The following HRNR variants were observed in gnomAD, a reference collection of about 807,000 sequenced individuals.
HRNR encodes filaggrin family member 3.
Under a neutral mutation model 4.8 loss-of-function variants are expected in HRNR, and 7 were observed. The observed-to-expected ratio is 1.47, with a 90% CI of 0.83 to 2.75. The LOEUF is 2.75. Among genes scored for constraint, HRNR ranks in the 30% most tolerant of loss-of-function variants. The pLI is 0.00. For missense variants in HRNR, 2,879 were observed against 3,010.4 expected (o/e 0.96, Z 1.02); for synonymous variants, 1,023 against 1,242.7 (o/e 0.82, Z 3.72).
In HRNR at chr1:152,219,438, A is replaced by T; in HGVS notation, c.2191T>A (p.Ser731Thr). The change falls in exon 3 of 3, where the codon TCT becomes ACT. Residue 731 changes from serine to threonine, a missense_variant. Physicochemically the swap from Ser to Thr is moderately conservative, Grantham distance 58. Transcript: ENST00000368801. ...SHSSGYRKHG[S>T]RSGQSSRSEQ... ...CTCCTAGATGACTGTCCTGACCTAG[A>T]GCCGTGTTTTCTGTAGCCGGAGGAG... 1.2e-6 allele frequency: 2 copies of T among 1,613,988 alleles called. No homozygotes were observed. The highest frequency in any genetic ancestry group is 1.7e-6 in the Non-Finnish European group (2 of 1,180,000).
rs776080904 is a variant in HRNR at position 152,212,936 on chromosome 1, C to T, written c.*140G>A. On this transcript the variant is annotated 3_prime_UTR_variant, in exon 3 of 3. Coordinates refer to ENST00000368801, the MANE Select transcript of HRNR (RefSeq NM_001009931.3). ...AAGATATATGCTACAGTTTTAGGCT[C>T]TAAAGAAAGAGACAGAAATGCATTG... 12 of 1,192,504 alleles carry T rather than the reference C, an allele frequency of 1.0e-5. No homozygotes were observed. In the African/African-American group the frequency reaches 1.5e-4, roughly 15 times the overall value. The allele number at this position is 1,192,504 out of a possible 1,614,324, so 73.9% of individuals were successfully genotyped here. A position where few individuals can be genotyped will look rare whatever the true frequency, so the allele number is the denominator to read the frequency against.
In HRNR at chr1:152,221,405, A is replaced by C. The variant is rs781621473; in HGVS notation, c.224T>G (p.Leu75Arg). The part of the protein sequence containing the change: ...HNKKVDFTEY[L>R]LMIFKLVQAR... ...CTGAACCAGCTTGAATATCATCAGA[A>C]GATACTCAGTAAAATCCACTTTCTT... Residue 75 changes from leucine (L) to arginine (R), a missense_variant, in exon 3 of 3, where the codon CTT becomes CGT. Leu to Arg is a moderately radical substitution (Grantham distance 102). Coordinates refer to ENST00000368801, the MANE Select transcript of HRNR (RefSeq NM_001009931.3). 1.2e-6 allele frequency: 2 copies of C among 1,613,186 alleles called. No homozygotes were observed. The highest frequency in any genetic ancestry group is 3.3e-5 in the Admixed American group (2 of 60,016).
rs753485928 is a variant in HRNR, at chr1:152,220,523, C to T, written c.1106G>A (p.Gly369Asp). The T allele has an allele frequency of 2.5e-6, 4 of 1,611,652 alleles. No homozygotes were observed. In the East Asian group the frequency reaches 6.7e-5, roughly 27 times the overall value. ...ATGTTGTCCCTGGCTAGAGGAGTGA[C>T]CTGAGCCAGAACCATGCTTACTATA... ...SGYSKHGSGSGHSSSQGQHGS... is the reference protein window; with the variant it reads ...SGYSKHGSGSDHSSSQGQHGS... The change falls in exon 3 of 3, where the codon GGT becomes GAT. Residue 369 changes from glycine (G) to aspartate (D), a missense_variant. This residue lies in a region of HRNR where 2,646 missense variants were observed against 1,377.7 expected (regional missense o/e 1.92). Coordinates refer to ENST00000368801, the MANE Select transcript of HRNR (RefSeq NM_001009931.3).
At position 152,219,933 on chromosome 1, in the gene HRNR, C is replaced by G. The variant is rs746249729; in HGVS notation, c.1696G>C (p.Gly566Arg). The change falls in exon 3 of 3, where the codon GGG becomes CGG. Residue 566 changes from glycine to arginine, a missense_variant. Gly to Arg is a moderately radical substitution (Grantham distance 125, BLOSUM62 -2). Around this residue, in one of 8 missense-constraint regions of HRNR, gnomAD observed 2,646 missense variants for 1,377.7 expected, o/e 1.92. Coordinates refer to ENST00000368801, the MANE Select transcript of HRNR (RefSeq NM_001009931.3). The part of the protein sequence containing the change: ...SSYGPHGYGS[G>R]RSSSRGPYES... ...TATGGGCCACGGCTTGAAGACCTCC[C>G]TGAGCCATACCCATGTGGGCCATAG... 5.6e-6 allele frequency: 9 copies of G among 1,613,178 alleles called. No individual in the cohort carries two copies. Among genetic ancestry groups the G allele is most frequent in the South Asian group, 2.2e-5 (2 of 91,022 alleles).
rs76143937 is a variant in HRNR, at chr1:152,212,753, T to C, written c.*323A>G. The C allele has an allele frequency of 2.7e-6, 1 of 375,884 alleles. No homozygotes were observed. The highest frequency in any genetic ancestry group is 4.8e-6 in the Non-Finnish European group (1 of 210,230). The allele number at this position is 375,884 out of a possible 1,614,324, so 23.3% of individuals were successfully genotyped here. ...TTTGGCACCATCTATAAATGAATGATGAGCTCTCAAAAAGACAACTCCAAC... is the reference window on the plus strand; with the variant it reads ...TTTGGCACCATCTATAAATGAATGACGAGCTCTCAAAAAGACAACTCCAAC... On this transcript the variant is annotated 3_prime_UTR_variant, in exon 3 of 3. Coordinates refer to ENST00000368801, the MANE Select transcript of HRNR (RefSeq NM_001009931.3).
chr1:152,220,466 C>T lies in HRNR; in HGVS notation c.1163G>A (p.Gly388Asp). 1 of 1,610,912 alleles carries T rather than the reference C, an allele frequency of 6.2e-7. No individual in the cohort carries two copies. Among genetic ancestry groups the T allele is most frequent in the Admixed American group, 1.7e-5 (1 of 59,762 alleles). ...GSTSGQASSS[G>D]QHGSSSRQSS... ...CTGACGTGAGCTGGAGCCATGTTGG[C>T]CAGAGCTTGATGCCTGCCCTGACGT... Residue 388 changes from glycine to aspartate, a missense_variant, in exon 3 of 3, where the codon GGC becomes GAC. Around this residue, in one of 8 missense-constraint regions of HRNR, gnomAD observed 2,646 missense variants for 1,377.7 expected, o/e 1.92. Coordinates refer to ENST00000368801, the MANE Select transcript of HRNR (RefSeq NM_001009931.3).
intron 2 of HRNR, among the ~76,000 whole-genome samples, chr1:152,222,191 G>A (rs967167886): frequency 6.6e-6 from 1 of 152,176 alleles, no homozygotes; most frequent in Admixed American, 6.5e-5. Flanking sequence ...AGGGCTAGAG[G>A]TGAGAGAAGT....
chr1:152,221,090 C>G lies in HRNR; in HGVS notation c.539G>C (p.Gly180Ala). Residue 180 changes from glycine (G) to alanine (A), a missense_variant, in exon 3 of 3, where the codon GGT becomes GCT. Gly to Ala is a moderately conservative substitution (Grantham distance 60). Transcript: ENST00000368801. ...NSYSGQSSSY[G>A]EQNSDSHQSS... ...CTGATGGGAGTCGGAGTTTTGCTCA[C>G]CATAGCTGGAAGACTGACCTGAGTA... The G allele has an allele frequency of 6.2e-7, 1 of 1,613,558 alleles. No homozygotes were observed. Among genetic ancestry groups the G allele is most frequent in the Non-Finnish European group, 8.5e-7 (1 of 1,179,590 alleles).
rs1486611389 is a variant in HRNR at position 152,220,342 on chromosome 1, A to T, written c.1287T>A (p.Arg429=). The stretch of plus-strand genomic sequence containing the variant: ...TGGGAGACTGCCCTGACCCAGACCC[A>T]CGCTGGCCGTGGCCTGGAGACTGGC... The part of the protein sequence containing the change: ...GSGQSPGHGQ[R]GSGSGQSPSS... The change falls in exon 3 of 3, where the codon CGT becomes CGA. Residue 429 remains arginine (R), a synonymous_variant. Transcript: ENST00000368801. 2 of 1,612,356 alleles carry T rather than the reference A, an allele frequency of 1.2e-6. No individual in the cohort carries two copies. Among genetic ancestry groups the T allele is most frequent in the Non-Finnish European group, 1.7e-6 (2 of 1,179,550 alleles).
At position 152,213,383 on chromosome 1, in the gene HRNR, C is replaced by T. The variant is rs200655066; in HGVS notation, c.8246G>A (p.Arg2749His). The part of the protein sequence containing the change: ...STGQSSSYGH[R>H]GSGSSQSSGY... Reference sequence around the variant, plus strand: ...AGAAGACTGACTGGAGCCAGAGCCACGGTGGCCATAGCTGGAAGACTGGCC... The same window carrying T: ...AGAAGACTGACTGGAGCCAGAGCCATGGTGGCCATAGCTGGAAGACTGGCC... The change falls in exon 3 of 3, where the codon CGT (arginine) becomes CAT (histidine). Residue 2749 changes from arginine to histidine, a missense_variant. Transcript: ENST00000368801. 3.9e-5 allele frequency: 22 copies of T among 570,926 alleles called. 8 individuals carry two copies. Among genetic ancestry groups the T allele is most frequent in the Non-Finnish European group, 5.7e-5 (19 of 335,700 alleles). The allele number at this position is 570,926 out of a possible 1,614,324, so 35.4% of individuals were successfully genotyped here. A position where few individuals can be genotyped will look rare whatever the true frequency, so the allele number is the denominator to read the frequency against.
chr1:152,219,242 G>C lies in HRNR; in HGVS notation c.2387C>G (p.Ser796Cys). The change falls in exon 3 of 3, where the codon TCT (serine) becomes TGT (cysteine). Residue 796 changes from serine to cysteine, a missense_variant. Ser to Cys is a moderately radical substitution (Grantham distance 112). This residue lies in a region of HRNR where 2,646 missense variants were observed against 1,377.7 expected (regional missense o/e 1.92). Coordinates refer to ENST00000368801, the MANE Select transcript of HRNR (RefSeq NM_001009931.3). ...ACAGCTGGAAGAACAACTTGTGCCAGACCCGTGTTGGCCGTGGCTGGAGGA... is the reference window on the plus strand; with the variant it reads ...ACAGCTGGAAGAACAACTTGTGCCACACCCGTGTTGGCCGTGGCTGGAGGA... ...GHSSSHGQHG[S>C]GTSCSSSCGH... The C allele has an allele frequency of 6.2e-7, 1 of 1,613,672 alleles. No individual in the cohort carries two copies. The highest frequency in any genetic ancestry group is 2.2e-5 in the East Asian group (1 of 44,864).
rs139947063 is a variant in HRNR at position 152,218,606 on chromosome 1, C to T, written c.3023G>A (p.Ser1008Asn). Residue 1008 changes from serine (S) to asparagine (N), a missense_variant, in exon 3 of 3, where the codon AGC becomes AAC. Ser to Asn is a conservative substitution (Grantham distance 46, BLOSUM62 1). Coordinates refer to ENST00000368801, the MANE Select transcript of HRNR (RefSeq NM_001009931.3). ...QHGSGSGQSP[S>N]PSRGRHGSGS... is the part of the protein sequence containing the mutation. The stretch of plus-strand genomic sequence containing the variant: ...AGACCCATGTCGGCCACGGCTAGGG[C>T]TAGGAGACTGGCCAGATCCAGACCC... 3.1e-6 allele frequency: 5 copies of T among 1,610,884 alleles called. No homozygotes were observed. The highest frequency in any genetic ancestry group is 1.7e-5 in the Admixed American group (1 of 59,772).
intron 2 of HRNR, among the ~76,000 whole-genome samples, chr1:152,222,671 C>G (rs1386782835): frequency 2.0e-5 from 3 of 152,136 alleles, no homozygotes; most frequent in Admixed American, 6.5e-5. Flanking sequence ...TATCTGAAAT[C>G]CACAGAAATC....
chr1:152,222,664 C>T (rs1259348926), intron 2 of HRNR, among the ~76,000 whole-genome samples: 1 of 152,162 alleles, frequency 6.6e-6, no homozygotes, highest in Non-Finnish European at 1.5e-5. Flanking sequence ...AATATCATAT[C>T]TGAAATCCAC....
Position 152,219,758 on chromosome 1 carries a change from C to T in HRNR, c.1871G>A (p.Gly624Asp), listed in dbSNP as rs766809908. The T allele has an allele frequency of 3.1e-6, 5 of 1,613,262 alleles. No individual in the cohort carries two copies. Among genetic ancestry groups the T allele is most frequent in the Non-Finnish European group, 4.2e-6 (5 of 1,179,590 alleles). ...CTGACCTGAGGTAGCTCCATGTTGG[C>T]CACAGCTCGATGACTGTCCTGATGT... ...GSTSGQSSSC[G>D]QHGATSGQSS... The change falls in exon 3 of 3, where the codon GGC (glycine) becomes GAC (aspartate). Residue 624 changes from glycine to aspartate, a missense_variant. This residue lies in a region of HRNR where 2,646 missense variants were observed against 1,377.7 expected (regional missense o/e 1.92). Coordinates refer to ENST00000368801, the MANE Select transcript of HRNR (RefSeq NM_001009931.3).
In HRNR at chr1:152,212,678, G is replaced by T; in HGVS notation, c.*398C>A. On this transcript the variant is annotated 3_prime_UTR_variant, in exon 3 of 3. Coordinates refer to ENST00000368801, the MANE Select transcript of HRNR (RefSeq NM_001009931.3). The stretch of plus-strand genomic sequence containing the variant: ...CTGTAAAACAAAGCTTTGTATCTAG[G>T]ACTGGTAATGCATTTGTAATATTTT... 1 of 233,692 alleles carries T rather than the reference G, an allele frequency of 4.3e-6. No individual in the cohort carries two copies. The highest frequency in any genetic ancestry group is 8.3e-6 in the Non-Finnish European group (1 of 120,988). The allele number at this position is 233,692 out of a possible 1,614,324, so 14.5% of individuals were successfully genotyped here.
chr1:152,223,158 C>T lies in HRNR; in HGVS notation c.96G>A (p.Glu32=). 6.2e-7 allele frequency: 1 copy of T among 1,613,890 alleles called. No individual in the cohort carries two copies. The highest frequency in any genetic ancestry group is 8.5e-7 in the Non-Finnish European group (1 of 1,179,868). Reference sequence around the variant, plus strand: ...ACTCATTTTCCAGAAGTTCTTTCAGCTCTGCCTTGTTCAACGTATCATACT... The same window carrying T: ...ACTCATTTTCCAGAAGTTCTTTCAGTTCTGCCTTGTTCAACGTATCATACT... The part of the protein sequence containing the change: ...HGEYDTLNKA[E]LKELLENEFH... The change falls in exon 2 of 3, where the codon GAG becomes GAA. Residue 32 remains glutamate (E), a synonymous_variant. Transcript: ENST00000368801.
chr1:152,220,035 G>A lies in HRNR; in HGVS notation c.1594C>T (p.Arg532Ter), dbSNP rs768490138. ...SGSRQSLGHSRHGSGSGQSPS... is the reference protein window; with the variant it reads ...SGSRQSLGHS The stretch of plus-strand genomic sequence containing the variant: ...GACTGGCCAGATCCAGACCCATGTC[G>A]GCTGTGTCCCAAAGATTGACGGGAG... Residue 532 changes from arginine (R) to a stop codon, truncating the protein, a stop_gained, in exon 3 of 3, where the codon CGA (arginine) becomes TGA (stop). Coordinates refer to ENST00000368801, the MANE Select transcript of HRNR (RefSeq NM_001009931.3). LOFTEE classifies it low-confidence loss of function (END_TRUNC). The A allele has an allele frequency of 1.9e-5, 31 of 1,613,956 alleles. No individual in the cohort carries two copies. The highest frequency in any genetic ancestry group is 8.9e-5 in the East Asian group (4 of 44,886).
Position 152,220,249 on chromosome 1 carries a change from G to A in HRNR, c.1380C>T (p.Gly460=). 6.2e-7 allele frequency: 1 copy of A among 1,613,782 alleles called. No homozygotes were observed. Among genetic ancestry groups the A allele is most frequent in the Non-Finnish European group, 8.5e-7 (1 of 1,179,952 alleles). The change falls in exon 3 of 3, where the codon GGC becomes GGT. Residue 460 remains glycine, a synonymous_variant. Transcript: ENST00000368801. ...CGTGGTGACCAAAGCCAGAAGAGTA[G>A]CCTGAACCAGACACATATGGGCCAC... ...SSSGPYVSGS[G]YSSGFGHHES... is the part of the protein sequence containing the mutation.
Sources: gnomAD v4.1 joint callset for allele counts (sites outside exome capture counted in the v4.1 genomes callset) on GRCh38, gnomAD v4.1.1 for gene constraint, gnomAD v4.1.1 regional missense constraint, MANE v1.5 for transcripts, NCBI Gene and HGNC (gene_info 2026-07-23, HGNC 2026-07-21) for gene names.